The following NFIC variants were observed in gnomAD, a reference collection of about 807,000 sequenced individuals.
NFIC encodes nuclear factor I C, also known as nuclear factor 1 C-type.
Under a neutral mutation model 54.4 loss-of-function variants are expected in NFIC, and 12 were observed. The observed-to-expected ratio is 0.22, with a 90% CI of 0.14 to 0.36. NFIC has a LOEUF of 0.36. Ranked by LOEUF, NFIC falls within the 10% of genes least tolerant of loss-of-function variation. NFIC has a pLI of 1.00. For synonymous variants in NFIC, 322 were observed against 319.2 expected (o/e 1.01, Z -0.09); for missense variants, 575 against 718.2 (o/e 0.80, Z 2.28).
chr19:3,433,650 G>A (rs1341437193), intron 4 of NFIC, 58 bp downstream of exon 4: 19 of 1,563,258 alleles, frequency 1.2e-5, no homozygotes, highest in Non-Finnish European at 1.6e-5. Context: ...GCCGCAGGGA[G>A]GAAGGAGCCC....
chr19:3,438,121 C>T (rs768321572), intron 6 of NFIC, among the ~76,000 whole-genome samples: 13 of 152,132 alleles, frequency 8.5e-5, no homozygotes, highest in Non-Finnish European at 1.3e-4. Context: ...AGCTTTAAGT[C>T]TATTTATTAG....
At chr19:3,417,100 T>A (rs1445784593) in intron 2 of NFIC, among the ~76,000 whole-genome samples, 1 of 150,416 alleles carries the variant, frequency 6.6e-6, no homozygotes, top group African/African-American at 2.4e-5. Context: ...TTAGCCAGGA[T>A]GGTCTCGATC....
At chr19:3,435,269 G>A (rs2082182455) in intron 6 of NFIC, 62 bp downstream of exon 6, 2 of 1,463,814 alleles carry the variant, frequency 1.4e-6, no homozygotes, top group Non-Finnish European at 1.8e-6. Flanking sequence ...CGGGAACTAC[G>A]TCTTCCGGCA....
chr19:3,452,474 C>T lies in NFIC; in HGVS notation c.1085-8C>T, dbSNP rs1008414555. ...CCAAGTAACCCCCGCTTCCCACTGTCTCCGCAGGGATCGCCCGGAGCCCAC... is the reference window on the plus strand; with the variant it reads ...CCAAGTAACCCCCGCTTCCCACTGTTTCCGCAGGGATCGCCCGGAGCCCAC... On this transcript the variant is annotated splice_polypyrimidine_tract_variant and splice_region_variant and intron_variant, in intron 7 of 10. Transcript: ENST00000443272. The surrounding 1 kb of genome is among the most constrained non-coding windows in gnomAD (Gnocchi z 5.3). The T allele has an allele frequency of 6.2e-7, 1 of 1,610,608 alleles. No homozygotes were observed. The highest frequency in any genetic ancestry group is 8.5e-7 in the Non-Finnish European group (1 of 1,179,986).
In NFIC at chr19:3,466,294, A is replaced by G. The variant is rs935807890; in HGVS notation, c.*3525A>G. The G allele has an allele frequency of 6.6e-6, 1 of 151,976 alleles. No individual in the cohort carries two copies. Among genetic ancestry groups the G allele is most frequent in the African/African-American group, 2.4e-5 (1 of 41,340 alleles). The allele number at this position is 151,976 out of a possible 1,614,324, so 9.4% of individuals were successfully genotyped here. On this transcript the variant is annotated 3_prime_UTR_variant, in exon 11 of 11. Coordinates refer to ENST00000443272, the MANE Select transcript of NFIC (RefSeq NM_001245002.2). This position sits in a 1 kb window ranked among gnomAD's most constrained non-coding sequence, Gnocchi z 4.8. ...CTTTTTACTTGACCAAAGCTAAGAC[A>G]ATAGCCAGATGGTTAGTGGGGCAGC...
chr19:3,396,471 CAAAA>C (rs60749462), intron 2 of NFIC, among the ~76,000 whole-genome samples: 2 of 55,514 alleles, frequency 3.6e-5, no homozygotes, highest in Non-Finnish European at 4.1e-5. Context: ...GACTCCGTCT[CAAAA>C]AAAAAAAAAA....
chr19:3,383,954 A>T (rs1167963714), intron 2 of NFIC, among the ~76,000 whole-genome samples: 2 of 151,878 alleles, frequency 1.3e-5, no homozygotes, highest in African/African-American at 2.4e-5. Context: ...AGTAACAGCC[A>T]TGCCACCTTC....
intron 2 of NFIC, among the ~76,000 whole-genome samples, chr19:3,419,078 G>T (rs1298238550): frequency 6.6e-6 from 1 of 152,018 alleles, no homozygotes; most frequent in Non-Finnish European, 1.5e-5. Flanking sequence ...GGAGGCTGGG[G>T]AGGGGACGGG....
At chr19:3,431,413 G>A (rs949112466) in intron 3 of NFIC, among the ~76,000 whole-genome samples, 4 of 138,982 alleles carry the variant, frequency 2.9e-5, no homozygotes, top group Non-Finnish European at 4.5e-5. Flanking sequence ...CTGTCCCCGA[G>A]GCTGGAGTGC....
chr19:3,408,206 G>T (rs897533091), intron 2 of NFIC, among the ~76,000 whole-genome samples: 4 of 152,148 alleles, frequency 2.6e-5, no homozygotes, highest in African/African-American at 9.7e-5. Flanking sequence ...CCCTGCTGGG[G>T]CCCAAGTGGA....
intron 2 of NFIC, among the ~76,000 whole-genome samples, chr19:3,384,033 G>A (rs2081253326): frequency 6.6e-6 from 1 of 151,190 alleles, no homozygotes; most frequent in Admixed American, 6.6e-5. Flanking sequence ...AAGACAGCAG[G>A]GCAGAGTTAC....
chr19:3,419,110 A>C (rs538610368), intron 2 of NFIC, among the ~76,000 whole-genome samples: 5 of 152,210 alleles, frequency 3.3e-5, no homozygotes, highest in African/African-American at 1.2e-4. Flanking sequence ...TCATGGGGAC[A>C]GAGTTTCAGT....
chr19:3,397,851 CAT>C (rs776804062), intron 2 of NFIC, among the ~76,000 whole-genome samples: 45 of 152,348 alleles, frequency 3.0e-4, no homozygotes, highest in Non-Finnish European at 5.0e-4. Context: ...GTGGACCACT[CAT>C]GTGTCTGACG....
At chr19:3,378,580 A>G (rs931267911) in intron 1 of NFIC, among the ~76,000 whole-genome samples, 8 of 152,156 alleles carry the variant, frequency 5.3e-5, no homozygotes, top group South Asian at 2.1e-4. Flanking sequence ...TCTGTCCCCC[A>G]TGGCCGGGTT....
chr19:3,366,882 C>T (rs530443304), intron 1 of NFIC, among the ~76,000 whole-genome samples: 7 of 151,936 alleles, frequency 4.6e-5, no homozygotes, highest in South Asian at 4.1e-4. Flanking sequence ...ACCCCCTACG[C>T]GGGACTCCCG....
chr19:3,425,725 G>C (rs1319440676), intron 3 of NFIC, among the ~76,000 whole-genome samples: 1 of 150,976 alleles, frequency 6.6e-6, no homozygotes, highest in Middle Eastern at 3.2e-3. Context: ...CTCCCAAAGT[G>C]CTGGGATTAC....
chr19:3,416,397 G>GTAGGTATATAAAATATGCCATA (rs1162770492), intron 2 of NFIC, among the ~76,000 whole-genome samples: 2 of 149,772 alleles, frequency 1.3e-5, no homozygotes, highest in Admixed American at 1.3e-4. Flanking sequence ...TATATGGCCT[G>GTAGGTATATAAAATATGCCATA]TAGGTATATA....
rs2081085395 is a variant in NFIC at position 3,375,210 on chromosome 19, C to CAGCA, written c.31-6501_31-6498dup. Among the ~76,000 whole-genome samples, 1 of 152,126 alleles carries CAGCA rather than the reference C, an allele frequency of 6.6e-6. No homozygotes were observed. Among genetic ancestry groups the CAGCA allele is most frequent in the South Asian group, 2.1e-4 (1 of 4,822 alleles). On this transcript the variant is annotated intron_variant, in intron 1 of 10. Transcript: ENST00000443272. This position sits in a 1 kb window ranked among gnomAD's most constrained non-coding sequence, Gnocchi z 4.6. ...TCATGGATGCCTCCCCTGTCCCTTCCAGCAGCCTCTTATCACAGCCCCAGT... is the reference window on the plus strand; with the variant it reads ...TCATGGATGCCTCCCCTGTCCCTTCCAGCAAGCAGCCTCTTATCACAGCCCCAGT...
intron 1 of NFIC, among the ~76,000 whole-genome samples, chr19:3,360,485 C>G (rs1469376157): frequency 6.6e-6 from 1 of 151,806 alleles, no homozygotes; most frequent in Non-Finnish European, 1.5e-5. Context: ...GTGCGCACCT[C>G]GAGGGGTGCG....
Sources: allele counts gnomAD v4.1 joint callset (sites outside exome capture counted in the v4.1 genomes callset), GRCh38; gene constraint gnomAD v4.1.1; non-coding constraint Gnocchi (gnomAD v3.1); transcripts MANE v1.5; gene names NCBI Gene and HGNC (gene_info 2026-07-23, HGNC 2026-07-21).